RIF1: variants seen among roughly 807,000 people sequenced by gnomAD.
RIF1 encodes telomere-associated protein RIF1.
RIF1 carries 45 observed loss-of-function variants against 247.1 expected under a neutral mutation model. The observed-to-expected ratio is 0.18, with a 90% confidence interval of 0.14 to 0.23. RIF1 has a LOEUF of 0.23. RIF1 is among the 10% of genes least tolerant of loss of function. RIF1 has a pLI of 1.00. For missense variants in RIF1, 2,967 were observed against 2,862.5 expected, an observed-to-expected ratio of 1.04 and a Z score of -0.83; for synonymous variants, 1,087 against 978.8, an observed-to-expected ratio of 1.11 and a Z score of -2.06.
chr2:151,450,905 G>GT (rs1225073560), intron 20 of RIF1, among the ~76,000 whole-genome samples: 1 of 152,084 alleles, frequency 6.6e-6, no homozygotes, highest in East Asian at 1.9e-4. Context: ...TTTATGTTTT[G>GT]TTTCCACTGG....
chr2:151,474,922 C>G lies in RIF1; in HGVS notation c.7270C>G (p.Leu2424Val), dbSNP rs775132686. The G allele has an allele frequency of 2.5e-6, 4 of 1,609,032 alleles. No homozygotes were observed. The highest frequency in any genetic ancestry group is 1.7e-5 in the Admixed American group (1 of 59,958). Residue 2424 changes from leucine to valine, a missense_variant, in exon 36 of 36, where the codon CTT becomes GTT. Leu to Val is a conservative substitution (Grantham distance 32). Coordinates refer to ENST00000444746, the MANE Select transcript of RIF1 (RefSeq NM_018151.5). Reference sequence around the variant, plus strand: ...AAACCTTCTGGCACAGATTAGTGCTCTTGCTCTTCAGCTGGATTCAGAAGA... The same window carrying G: ...AAACCTTCTGGCACAGATTAGTGCTGTTGCTCTTCAGCTGGATTCAGAAGA... ...SKNLLAQISA[L>V]ALQLDSEDLH...
chr2:151,519,490 GT>G, the RIF1 span, among the ~76,000 whole-genome samples: 1 of 152,168 alleles, frequency 6.6e-6, no homozygotes, highest in African/African-American at 2.4e-5. Context: ...GGAATGGAGA[GT>G]TTTTGCTTAA....
intron 14 of RIF1, among the ~76,000 whole-genome samples, chr2:151,439,330 C>T (rs1337423277): frequency 1.3e-5 from 2 of 152,082 alleles, no homozygotes; most frequent in Non-Finnish European, 1.5e-5. Flanking sequence ...TAAATTTTTA[C>T]AGCTCTCTGT....
At chr2:151,456,519 TAG>T in intron 22 of RIF1, 57 bp from the exon 23 acceptor site, 1 of 873,798 alleles carries the variant, frequency 1.1e-6, no homozygotes, top group Non-Finnish European at 1.8e-6. Flanking sequence ...ATTAGCTTGA[TAG>T]ATAGTACAGT....
chr2:151,522,081 G>C, the RIF1 span, among the ~76,000 whole-genome samples: 5 of 152,152 alleles, frequency 3.3e-5, no homozygotes, highest in Admixed American at 1.3e-4. Context: ...GGCAGCCCCC[G>C]GGGTTTATAA....
At chr2:151,494,256 A>G (rs1458263476) in intron 9 of RIF1, 12 of 1,584,578 alleles carry the variant, frequency 7.6e-6, no homozygotes, top group East Asian at 4.5e-5. Context: ...TACAAAACCT[A>G]TGGGAATCCA....
At chr2:151,511,299 G>C (rs2074076906), downstream of RIF1, among the ~76,000 whole-genome samples, 1 of 152,156 alleles carries the variant, frequency 6.6e-6, no homozygotes, top group Admixed American at 6.5e-5. Flanking sequence ...TCAAAGAAAA[G>C]AAACATTTCC....
At position 151,475,570 on chromosome 2, in the gene RIF1, G is replaced by T. The variant is rs1329872276; in HGVS notation, c.*499G>T. On this transcript the variant is annotated 3_prime_UTR_variant, in exon 36 of 36. Transcript: ENST00000444746. ...CCTCAAATGAAATGCGAAAGAATTT[G>T]AATTTTTCCTGCATATGTCAACTTT... The T allele has an allele frequency of 6.5e-6, 1 of 153,212 alleles. No homozygotes were observed. The highest frequency in any genetic ancestry group is 6.5e-5 in the Admixed American group (1 of 15,422). 9.5% of individuals were successfully genotyped at this position (153,212 alleles called of 1,614,324 possible).
At chr2:151,445,886 T>C (rs1301360463) in intron 19 of RIF1, among the ~76,000 whole-genome samples, 3 of 152,122 alleles carry the variant, frequency 2.0e-5, no homozygotes, top group Non-Finnish European at 2.9e-5. Context: ...ATTACTAGCT[T>C]AGGAGAATGA....
chr2:151,465,693 T>C lies in RIF1; in HGVS notation c.6173T>C (p.Met2058Thr), dbSNP rs2152505241. 3.1e-6 allele frequency: 5 copies of C among 1,614,134 alleles called. No individual in the cohort carries two copies. Among genetic ancestry groups the C allele is most frequent in the Non-Finnish European group, 4.2e-6 (5 of 1,180,022 alleles). Residue 2058 changes from methionine (M) to threonine (T), a missense_variant, in exon 30 of 36, where the codon ATG becomes ACG. Physicochemically the swap from Met to Thr is moderately conservative, Grantham distance 81. Transcript: ENST00000444746. ...AAGCCTGATGAAGCTGAAACAAACATGTTGACTGCAGAAATGGACAACTTT... is the reference window on the plus strand; with the variant it reads ...AAGCCTGATGAAGCTGAAACAAACACGTTGACTGCAGAAATGGACAACTTT... ...TSKPDEAETN[M>T]LTAEMDNFVC...
the RIF1 span, chr2:151,524,370 T>C: frequency 6.2e-7 from 1 of 1,614,024 alleles, no homozygotes; most frequent in South Asian, 1.1e-5. Context: ...CCGAGCATGC[T>C]TAAGCCATGG....
intron 34 of RIF1, among the ~76,000 whole-genome samples, chr2:151,470,980 A>T (rs980434238): frequency 6.6e-6 from 1 of 152,110 alleles, no homozygotes; most frequent in South Asian, 2.1e-4. Flanking sequence ...AGTTTTTAAT[A>T]TATTCACAGA....
At position 151,468,133 on chromosome 2, in the gene RIF1, C is replaced by T; in HGVS notation, c.6734C>T (p.Thr2245Ile). The change falls in exon 31 of 36, where the codon ACT (threonine) becomes ATT (isoleucine). Residue 2245 changes from threonine (T) to isoleucine (I), a missense_variant. Thr to Ile is a moderately conservative substitution (Grantham distance 89, BLOSUM62 -1). Transcript: ENST00000444746. ...GGAAAAAGTGTTAAAACTTCTCCTACTACACAATCTAAGGTAAGCTATAGG... is the reference window on the plus strand; with the variant it reads ...GGAAAAAGTGTTAAAACTTCTCCTATTACACAATCTAAGGTAAGCTATAGG... ...PIGKSVKTSP[T>I]TQSKHNTTSA... 1.2e-6 allele frequency: 2 copies of T among 1,611,658 alleles called. No individual in the cohort carries two copies. Among genetic ancestry groups the T allele is most frequent in the Non-Finnish European group, 1.7e-6 (2 of 1,178,282 alleles).
chr2:151,485,998 A>G (rs2049999135), downstream of RIF1: 2 of 1,496,690 alleles, frequency 1.3e-6, no homozygotes, highest in African/African-American at 2.7e-5. Flanking sequence ...ACACACATCT[A>G]TTTGTAAGAT....
intron 3 of RIF1, among the ~76,000 whole-genome samples, chr2:151,413,102 A>G (rs939033631): frequency 2.0e-5 from 3 of 151,450 alleles, no homozygotes; most frequent in South Asian, 2.1e-4. Flanking sequence ...CTGGAGTGCA[A>G]TGGCTTGAAC....
intron 27 of RIF1, 59 bp downstream of exon 27, chr2:151,461,348 A>G: frequency 6.6e-7 from 1 of 1,514,336 alleles, no homozygotes; most frequent in Non-Finnish European, 9.0e-7. Context: ...ATTTCATGCA[A>G]GAAAAGTGTA....
At chr2:151,506,051 A>T in intron 12 of RIF1, 1 of 907,730 alleles carries the variant, frequency 1.1e-6, no homozygotes, top group Non-Finnish European at 1.8e-6. Context: ...ACAGGCACCT[A>T]TTTTAGCAAT....
At chr2:151,462,737 A>G (rs1317725324) in intron 29 of RIF1, 147 bp from the exon 30 acceptor site, 1 of 634,906 alleles carries the variant, frequency 1.6e-6, no homozygotes, top group Non-Finnish European at 2.7e-6. Flanking sequence ...GGTATCTACC[A>G]CTAACTTTGG....
At chr2:151,474,821 T>G (rs1387720866) in intron 35 of RIF1, 36 bp from the exon 36 acceptor site, 3 of 1,205,158 alleles carry the variant, frequency 2.5e-6, no homozygotes, top group South Asian at 2.7e-5. Flanking sequence ...TTTTGTCTGG[T>G]ATAGATTTAA....
Sources: gnomAD v4.1 joint callset for allele counts (sites outside exome capture counted in the v4.1 genomes callset) on GRCh38, gnomAD v4.1.1 for gene constraint, MANE v1.5 for transcripts, NCBI Gene and HGNC (gene_info 2026-07-23, HGNC 2026-07-21) for gene names.